The following MSH3 variants were observed in gnomAD, a reference collection of about 807,000 sequenced individuals.
The protein encoded by MSH3 is DNA mismatch repair protein Msh3.
MSH3 carries 106 observed loss-of-function variants against 123.3 expected under a neutral mutation model. The observed-to-expected ratio is 0.86, with a 90% CI of 0.73 to 1.01. MSH3 has a LOEUF of 1.01. Among genes scored for constraint, MSH3 ranks in the 50% least tolerant of loss-of-function variants. MSH3 has a pLI of 0.00. For synonymous variants in MSH3, 515 were observed against 481.4 expected (o/e 1.07, Z -0.91); for missense variants, 1,459 against 1,347.6 (o/e 1.08, Z -1.29).
intron 15 of MSH3, among the ~76,000 whole-genome samples, chr5:80,769,495 C>T (rs1744180582): frequency 6.6e-6 from 1 of 151,848 alleles, no homozygotes; most frequent in African/African-American, 2.4e-5. Flanking sequence ...AATTATGGTA[C>T]TGTTTAGAAT....
intron 20 of MSH3, among the ~76,000 whole-genome samples, chr5:80,819,529 A>T (rs1298824067): frequency 6.8e-6 from 1 of 147,580 alleles, no homozygotes; most frequent in Non-Finnish European, 1.5e-5. Context: ...CCCAAGCTGG[A>T]GTGCAATGAC....
At chr5:80,791,915 G>T (rs1414047568) in intron 18 of MSH3, among the ~76,000 whole-genome samples, 1 of 152,148 alleles carries the variant, frequency 6.6e-6, no homozygotes, top group Non-Finnish European at 1.5e-5. Flanking sequence ...GGGCTCAGAG[G>T]TGCTTGAATA....
chr5:80,734,232 GA>G (rs1743463516), intron 10 of MSH3, among the ~76,000 whole-genome samples: 1 of 152,182 alleles, frequency 6.6e-6, no homozygotes, highest in South Asian at 2.1e-4. Flanking sequence ...CCATTTATAT[GA>G]AATGTCCAGA....
rs557526106 is a variant in MSH3 at position 80,772,971 on chromosome 5, T to G, written c.2254-2723T>G. ...GCTGTTTTCCCCCCTGCAGTGGCAC[T>G]GTATTGGCTCTGTGTATGGTAGCCC... is the stretch of plus-strand genomic sequence containing the variant. On this transcript the variant is annotated intron_variant, in intron 15 of 23. Transcript: ENST00000265081. Among the ~76,000 whole-genome samples the G allele has an allele frequency of 5.3e-5, 8 of 152,330 alleles. No homozygotes were observed. The South Asian group carries it at 1.7e-3, about 32-fold the overall frequency.
rs185115406 is a variant in MSH3 at position 80,841,369 on chromosome 5, G to A, written c.2814-12761G>A. On this transcript the variant is annotated intron_variant, in intron 20 of 23. Coordinates refer to ENST00000265081, the MANE Select transcript of MSH3 (RefSeq NM_002439.5). ...GAATAGTGCCACAATGAACGTACGT[G>A]TGCATGTGTCTTTATAGCAGCATGA... 1.6e-3 allele frequency among the ~76,000 whole-genome samples: 244 copies of A among 152,304 alleles called. 2 individuals are homozygous for A. Among genetic ancestry groups the A allele is most frequent in the East Asian group, 0.012 (64 of 5,188 alleles).
At chr5:80,868,353 A>G (rs245372) in intron 22 of MSH3, among the ~76,000 whole-genome samples, 106,854 of 151,454 alleles carry the variant, frequency 0.71, 37,693 homozygotes, top group South Asian at 0.8. Flanking sequence ...CAGTAGCAAG[A>G]CATGGAATCT....
intron 22 of MSH3, among the ~76,000 whole-genome samples, chr5:80,871,441 C>G (rs890651917): frequency 6.6e-6 from 1 of 152,196 alleles, no homozygotes; most frequent in African/African-American, 2.4e-5. Context: ...GTAAGAGACC[C>G]TCTAGTTCGG....
At chr5:80,760,561 G>A (rs1401433238) in intron 12 of MSH3, among the ~76,000 whole-genome samples, 1 of 152,142 alleles carries the variant, frequency 6.6e-6, no homozygotes, top group Non-Finnish European at 1.5e-5. Context: ...GGTCAGTTCA[G>A]CCATCACCAC....
chr5:80,838,272 G>A lies in MSH3; in HGVS notation c.2814-15858G>A, dbSNP rs78075409. Among the ~76,000 whole-genome samples, 701 of 152,286 alleles carry A rather than the reference G, an allele frequency of 4.6e-3. 5 individuals are homozygous for A. The highest frequency in any genetic ancestry group is 0.016 in the African/African-American group (678 of 41,564). Reference sequence around the variant, plus strand: ...GTACTTTTCAGCCTCTTAAAGTACAGTAGAGTGTCCTCTAAAGCCGAGTGA... The same window carrying A: ...GTACTTTTCAGCCTCTTAAAGTACAATAGAGTGTCCTCTAAAGCCGAGTGA... On this transcript the variant is annotated intron_variant, in intron 20 of 23. Transcript: ENST00000265081.
chr5:80,823,003 C>A (rs746434815), intron 20 of MSH3, among the ~76,000 whole-genome samples: 5 of 152,132 alleles, frequency 3.3e-5, no homozygotes, highest in Non-Finnish European at 7.4e-5. Context: ...TTAGCTACTT[C>A]GGGATATATT....
At chr5:80,655,278 T>C in intron 1 of MSH3, 1 of 271,432 alleles carries the variant, frequency 3.7e-6, no homozygotes, top group Non-Finnish European at 6.9e-6. Context: ...TCTTTTAACC[T>C]CCATCCTTTT....
chr5:80,795,103 A>G (rs1392132258), intron 19 of MSH3, among the ~76,000 whole-genome samples: 2 of 152,200 alleles, frequency 1.3e-5, no homozygotes, highest in Non-Finnish European at 2.9e-5. Context: ...GAGAAAGCTC[A>G]GAGTAGTAGC....
At position 80,752,537 on chromosome 5, in the gene MSH3, T is replaced by C. The variant is rs189537292; in HGVS notation, c.1763+7922T>C. 1.6e-3 allele frequency among the ~76,000 whole-genome samples: 243 copies of C among 152,270 alleles called. 1 individual carries two copies. Among genetic ancestry groups the C allele is most frequent in the African/African-American group, 5.7e-3 (237 of 41,552 alleles). On this transcript the variant is annotated intron_variant, in intron 12 of 23. Transcript: ENST00000265081. ...GAGTTAATGATACTTCAGCTTGAGT[T>C]CTGATTCCCTTTTGTCACTTTGGAG...
intron 6 of MSH3, among the ~76,000 whole-genome samples, chr5:80,673,351 A>C (rs1197520757): frequency 1.3e-5 from 2 of 152,146 alleles, no homozygotes; most frequent in African/African-American, 4.8e-5. Context: ...CAACATGGCA[A>C]AACCCCATCT....
chr5:80,806,705 T>G (rs971523520), intron 19 of MSH3, among the ~76,000 whole-genome samples: 3 of 152,088 alleles, frequency 2.0e-5, no homozygotes, highest in African/African-American at 7.2e-5. Context: ...TCTATTTAGC[T>G]TTTGCTCCTC....
intron 8 of MSH3, among the ~76,000 whole-genome samples, chr5:80,710,262 G>T (rs1444502422): frequency 1.3e-5 from 2 of 152,130 alleles, no homozygotes; most frequent in Admixed American, 6.6e-5. Context: ...TTACTAAGTG[G>T]CAAAACTGGA....
At chr5:80,741,375 A>G in intron 10 of MSH3, 89 bp from the exon 11 acceptor site, 5 of 865,712 alleles carry the variant, frequency 5.8e-6, no homozygotes, top group Non-Finnish European at 9.7e-6. Context: ...TTTTGCCATA[A>G]TGTAGCTGGC....
intron 17 of MSH3, among the ~76,000 whole-genome samples, chr5:80,784,445 A>T (rs1744468635): frequency 6.6e-6 from 1 of 151,862 alleles, no homozygotes; most frequent in Non-Finnish European, 1.5e-5. Flanking sequence ...TAGTAGGTGT[A>T]TATATTTATG....
intron 22 of MSH3, among the ~76,000 whole-genome samples, chr5:80,867,553 C>T (rs1746127484): frequency 6.6e-6 from 1 of 152,142 alleles, no homozygotes; most frequent in South Asian, 2.1e-4. Flanking sequence ...TTTGAAGACC[C>T]AGTCCCCTGA....
Sources: allele counts gnomAD v4.1 joint callset (sites outside exome capture counted in the v4.1 genomes callset), GRCh38; gene constraint gnomAD v4.1.1; transcripts MANE v1.5; gene names NCBI Gene and HGNC (gene_info 2026-07-23, HGNC 2026-07-21).